Variants in DAB1 observed in about 807,000 individuals in gnomAD.
DAB1 encodes DAB adaptor protein 1.
DAB1 carries 15 observed loss-of-function variants against 64.6 expected under a neutral mutation model. The ratio of observed to expected loss-of-function variants is 0.23; its 90% confidence interval spans 0.16 to 0.36. The LOEUF is 0.36. DAB1 is among the 10% of genes least tolerant of loss of function. The pLI is 1.00. For synonymous variants in DAB1, 235 were observed against 251.9 expected, an observed-to-expected ratio of 0.93 and a Z score of 0.64; for missense variants, 596 against 706.7, an observed-to-expected ratio of 0.84 and a Z score of 1.78.
At chr1:57,563,839 C>A (rs1645083221) in intron 7 of DAB1, among the ~76,000 whole-genome samples, 2 of 152,196 alleles carry the variant, frequency 1.3e-5, no homozygotes, top group Non-Finnish European at 2.9e-5. Flanking sequence ...GGCCTGCCTG[C>A]CTCTGTAGAC....
chr1:57,112,474 T>A (rs1655754984), intron 4 of DAB1, among the ~76,000 whole-genome samples: 1 of 152,076 alleles, frequency 6.6e-6, no homozygotes, highest in African/African-American at 2.4e-5. Context: ...GAGAAATTCA[T>A]CTGGATTTTC....
intron 4 of DAB1, among the ~76,000 whole-genome samples, chr1:58,195,895 G>A (rs762103444): frequency 6.6e-6 from 1 of 152,182 alleles, no homozygotes; most frequent in Non-Finnish European, 1.5e-5. Flanking sequence ...GCTTATAAGT[G>A]TTTAGTGACT....
intron 6 of DAB1, among the ~76,000 whole-genome samples, chr1:57,757,198 A>ATTTTTTTTTTT (rs375166170): frequency 1.1e-5 from 1 of 90,090 alleles, no homozygotes; most frequent in Non-Finnish European, 2.8e-5. Context: ...CAGGGGCAGA[A>ATTTTTTTTTTT]TTTTTTTTTT....
intron 5 of DAB1, among the ~76,000 whole-genome samples, chr1:57,947,227 C>G (rs896768942): frequency 2.6e-5 from 4 of 152,084 alleles, no homozygotes; most frequent in African/African-American, 9.7e-5. Flanking sequence ...TCATCTGACT[C>G]CAAAGCATGT....
At chr1:58,487,328 C>T (rs574574106) in intron 3 of DAB1, among the ~76,000 whole-genome samples, 55 of 152,300 alleles carry the variant, frequency 3.6e-4, no homozygotes, top group African/African-American at 1.3e-3. Flanking sequence ...TTTTATGATG[C>T]TGCTCATGCA....
At chr1:57,694,675 T>C (rs1646803346) in intron 6 of DAB1, among the ~76,000 whole-genome samples, 1 of 152,142 alleles carries the variant, frequency 6.6e-6, no homozygotes, top group South Asian at 2.1e-4. Context: ...ATCATTTTAA[T>C]CAGATAAAAA....
chr1:58,502,196 A>G (rs947420723), intron 3 of DAB1, among the ~76,000 whole-genome samples: 2 of 152,242 alleles, frequency 1.3e-5, no homozygotes, highest in Admixed American at 1.3e-4. Flanking sequence ...TCAATAAGCT[A>G]AAGTTTAAAA....
chr1:57,527,126 T>G (rs1276405483), intron 7 of DAB1, among the ~76,000 whole-genome samples: 2 of 152,180 alleles, frequency 1.3e-5, no homozygotes, highest in East Asian at 3.9e-4. Context: ...ATAAGCCTCC[T>G]TAGTCTCTGC....
chr1:57,033,469 G>GA (rs1647029171), intron 9 of DAB1: 1 of 1,612,542 alleles, frequency 6.2e-7, no homozygotes, highest in Admixed American at 1.7e-5. Flanking sequence ...AGCATGAAAT[G>GA]AATGATGAGA....
At chr1:57,936,259 C>T (rs957968045) in intron 5 of DAB1, among the ~76,000 whole-genome samples, 3 of 152,246 alleles carry the variant, frequency 2.0e-5, no homozygotes, top group African/African-American at 7.2e-5. Flanking sequence ...GCCTCAGCCA[C>T]ATTTAACTCA....
chr1:57,129,280 G>C (rs1224098223), intron 4 of DAB1, among the ~76,000 whole-genome samples: 1 of 152,106 alleles, frequency 6.6e-6, no homozygotes, highest in African/African-American at 2.4e-5. Flanking sequence ...GCAGGTTCCT[G>C]ACAGTGCCAA....
intron 5 of DAB1, among the ~76,000 whole-genome samples, chr1:57,977,677 G>C (rs1196356998): frequency 1.4e-5 from 2 of 147,758 alleles, no homozygotes; most frequent in Non-Finnish European, 1.5e-5. Context: ...GGGACCACAG[G>C]TTCTCACCAT....
chr1:57,056,316 T>C (rs1168456783), intron 9 of DAB1, among the ~76,000 whole-genome samples: 1 of 131,568 alleles, frequency 7.6e-6, no homozygotes, highest in African/African-American at 2.9e-5. Context: ...GTGGGTAACA[T>C]AGCAAGTCCT....
intron 2 of DAB1, among the ~76,000 whole-genome samples, chr1:58,523,719 G>A (rs1646304381): frequency 6.6e-6 from 1 of 152,154 alleles, no homozygotes; most frequent in African/African-American, 2.4e-5. Flanking sequence ...CTAACACGGT[G>A]AAACCCCATC....
At chr1:57,989,186 G>A (rs1238752890) in intron 5 of DAB1, among the ~76,000 whole-genome samples, 1 of 152,148 alleles carries the variant, frequency 6.6e-6, no homozygotes, top group African/African-American at 2.4e-5. Context: ...TCATAGAGTA[G>A]GCATGAGGGT....
rs3055509 is a variant in DAB1, at chr1:58,313,856, TGA to T, written n.309+29494_309+29495del. On this transcript the variant is annotated intron_variant and non_coding_transcript_variant, in intron 4 of 20. Transcript: ENST00000485760. Reference sequence around the variant, plus strand: ...GTGTGTGTGTGTGTGTGTGTGTGTGTGAGAGAGAGAGAGAGAGAGAGAGATAA... The same window carrying T: ...GTGTGTGTGTGTGTGTGTGTGTGTGTGAGAGAGAGAGAGAGAGAGAGATAA... Among the ~76,000 whole-genome samples the T allele has an allele frequency of 2.1e-3, 236 of 112,132 alleles. 1 individual carries two copies. The highest frequency in any genetic ancestry group is 2.8e-3 in the South Asian group (10 of 3,520). The allele number at this position is 112,132 out of a possible 152,430, so 73.6% of individuals were successfully genotyped here.
chr1:57,411,313 C>A (rs1368989118), intron 1 of DAB1, among the ~76,000 whole-genome samples: 1 of 152,218 alleles, frequency 6.6e-6, no homozygotes, highest in Admixed American at 6.5e-5. Flanking sequence ...TCTAGCTCTG[C>A]TTAATGACCT....
rs115092381 is a variant in DAB1, at chr1:58,445,918, C to G, written n.257+60142G>C. On this transcript the variant is annotated intron_variant and non_coding_transcript_variant, in intron 3 of 20. Transcript: ENST00000485760. ...CAGGTCTCCGGCCTGGCAGAGTTCTCTCTGCCATAATAAGATTTTCAGATG... is the reference window on the plus strand; with the variant it reads ...CAGGTCTCCGGCCTGGCAGAGTTCTGTCTGCCATAATAAGATTTTCAGATG... 8.0e-3 allele frequency among the ~76,000 whole-genome samples: 1,219 copies of G among 152,224 alleles called. 19 individuals carry two copies. The highest frequency in any genetic ancestry group is 0.028 in the African/African-American group (1,165 of 41,544).
chr1:58,340,913 C>T (rs764924774), intron 4 of DAB1, among the ~76,000 whole-genome samples: 1 of 152,218 alleles, frequency 6.6e-6, no homozygotes, highest in East Asian at 1.9e-4. Context: ...GGATAAATGT[C>T]GAGAATGTTT....
Sources: gnomAD v4.1 joint callset for allele counts (sites outside exome capture counted in the v4.1 genomes callset) on GRCh38, gnomAD v4.1.1 for gene constraint, MANE v1.5 for transcripts, NCBI Gene and HGNC (gene_info 2026-07-23, HGNC 2026-07-21) for gene names.